Variants in XPO4 observed in about 807,000 individuals in gnomAD.
The protein encoded by XPO4 is exportin-4.
XPO4 carries 39 observed loss-of-function variants against 143.0 expected under a neutral mutation model. The observed-to-expected ratio is 0.27, with a 90% CI of 0.21 to 0.36. The LOEUF (loss-of-function observed/expected upper bound fraction) is 0.36, where lower values mean the gene tolerates loss of function less well. Ranked by LOEUF, XPO4 falls within the 10% of genes least tolerant of loss-of-function variation. The pLI, the probability that XPO4 is intolerant of heterozygous loss-of-function variation, is 1.00. For synonymous variants in XPO4, 439 were observed against 474.0 expected, an observed-to-expected ratio of 0.93 and a Z score of 0.96; for missense variants, 907 against 1,348.0, an observed-to-expected ratio of 0.67 and a Z score of 5.12.
intron 6 of XPO4, among the ~76,000 whole-genome samples, chr13:20,831,585 A>T (rs1595107930): frequency 6.6e-6 from 1 of 152,264 alleles, no homozygotes; most frequent in African/African-American, 2.4e-5. Context: ...ATATTTTTCT[A>T]AAATAAATAC....
intron 1 of XPO4, among the ~76,000 whole-genome samples, chr13:20,883,480 T>G (rs1455692458): frequency 2.6e-5 from 4 of 152,220 alleles, no homozygotes; most frequent in Non-Finnish European, 4.4e-5. Context: ...CATAACAGAC[T>G]AAACTGTATT....
chr13:20,833,755 G>C (rs769731465), intron 6 of XPO4, among the ~76,000 whole-genome samples: 5 of 152,074 alleles, frequency 3.3e-5, no homozygotes, highest in African/African-American at 4.8e-5. Flanking sequence ...ACCTGGTCTA[G>C]GCTGAAGTAC....
chr13:20,796,512 A>G (rs971488316), intron 17 of XPO4, among the ~76,000 whole-genome samples: 2 of 152,100 alleles, frequency 1.3e-5, no homozygotes, highest in African/African-American at 4.8e-5. Context: ...ACATATACCT[A>G]TGTAACAAAT....
intron 1 of XPO4, among the ~76,000 whole-genome samples, chr13:20,871,287 T>C (rs1364616369): frequency 6.6e-6 from 1 of 152,190 alleles, no homozygotes; most frequent in African/African-American, 2.4e-5. Context: ...CCCAAAGTGC[T>C]GGGATCACAG....
intron 4 of XPO4, chr13:20,853,198 T>C (rs972119622): frequency 4.0e-6 from 1 of 251,444 alleles, no homozygotes; most frequent in Admixed American, 6.5e-5. Flanking sequence ...CCAGGAGTGG[T>C]GGCTTGTGCC....
At chr13:20,873,756 T>C (rs2060325414) in intron 1 of XPO4, among the ~76,000 whole-genome samples, 1 of 152,138 alleles carries the variant, frequency 6.6e-6, no homozygotes, top group Non-Finnish European at 1.5e-5. Context: ...TCAGCTCGTC[T>C]AGTAGCTGGG....
intron 18 of XPO4, among the ~76,000 whole-genome samples, chr13:20,792,418 T>C (rs35584557): frequency 0.32 from 49,041 of 151,732 alleles, 9,908 homozygotes; most frequent in East Asian, 0.8. Context: ...TAGTGAAACA[T>C]AGTATCTGCT....
chr13:20,807,917 GT>G (rs2059528372), intron 12 of XPO4, among the ~76,000 whole-genome samples: 1 of 152,080 alleles, frequency 6.6e-6, no homozygotes. Context: ...ATTCTGTAAA[GT>G]TAATAGAAAT....
At chr13:20,888,098 C>T (rs573603722) in intron 1 of XPO4, among the ~76,000 whole-genome samples, 9 of 142,582 alleles carry the variant, frequency 6.3e-5, no homozygotes, top group Admixed American at 2.2e-4. Flanking sequence ...TGGCTTGAAC[C>T]TGGGAGGCAG....
At chr13:20,819,369 G>T (rs781629695) in intron 9 of XPO4, among the ~76,000 whole-genome samples, 1 of 152,046 alleles carries the variant, frequency 6.6e-6, no homozygotes, top group Non-Finnish European at 1.5e-5. Context: ...TTACTTAAAA[G>T]ATCATGTCTT....
intron 1 of XPO4, among the ~76,000 whole-genome samples, chr13:20,884,783 G>A (rs1232333884): frequency 6.6e-6 from 1 of 152,144 alleles, no homozygotes; most frequent in Non-Finnish European, 1.5e-5. Context: ...CCAAACGTTT[G>A]AAGCTGCAGT....
intron 1 of XPO4, among the ~76,000 whole-genome samples, chr13:20,892,049 G>A (rs1032010643): frequency 4.2e-5 from 6 of 141,462 alleles, no homozygotes; most frequent in Middle Eastern, 3.6e-3. Flanking sequence ...TTTTTTTTTC[G>A]AGATGGAGTT....
At chr13:20,844,226 G>A (rs1277728882) in intron 4 of XPO4, among the ~76,000 whole-genome samples, 3 of 152,130 alleles carry the variant, frequency 2.0e-5, no homozygotes, top group East Asian at 1.9e-4. Context: ...TTAATTCGCA[G>A]AACAACCTAT....
chr13:20,797,936 G>A (rs147960868), intron 16 of XPO4, among the ~76,000 whole-genome samples: 266 of 152,252 alleles, frequency 1.7e-3, no homozygotes, highest in African/African-American at 5.7e-3. Flanking sequence ...GATCACTTGA[G>A]GTCAGGAGAC....
At chr13:20,791,743 AAAGT>A (rs1407214332) in intron 18 of XPO4, among the ~76,000 whole-genome samples, 2 of 152,240 alleles carry the variant, frequency 1.3e-5, no homozygotes, top group African/African-American at 4.8e-5. Context: ...ATGGTGTCCA[AAAGT>A]AAGCATGATT....
intron 18 of XPO4, among the ~76,000 whole-genome samples, chr13:20,793,959 C>T (rs923428811): frequency 6.6e-6 from 1 of 152,126 alleles, no homozygotes; most frequent in Non-Finnish European, 1.5e-5. Context: ...AGCAGAGAGG[C>T]AGTTCTGATT....
In XPO4 at chr13:20,780,009, A is replaced by T. The variant is rs535895060; in HGVS notation, c.*3713T>A. ...GTCAGAGAATAACCACTTATATTTT[A>T]AAAAGATTAAAACATTATTATATCC... On this transcript the variant is annotated 3_prime_UTR_variant, in exon 23 of 23. Coordinates refer to ENST00000255305, the MANE Select transcript of XPO4 (RefSeq NM_022459.5). The T allele has an allele frequency of 5.5e-4, 84 of 152,324 alleles. No individual in the cohort carries two copies. The highest frequency in any genetic ancestry group is 1.9e-3 in the African/African-American group (80 of 41,564). The allele number at this position is 152,324 out of a possible 1,614,324, so 9.4% of individuals were successfully genotyped here. A position where few individuals can be genotyped will look rare whatever the true frequency, so the allele number is the denominator to read the frequency against.
chr13:20,870,746 G>C (rs2060289253), intron 1 of XPO4, among the ~76,000 whole-genome samples: 1 of 149,250 alleles, frequency 6.7e-6, no homozygotes, highest in Admixed American at 6.6e-5. Context: ...AAAAAAAACT[G>C]AACAGCAAAC....
At chr13:20,866,942 A>G (rs569126002) in intron 2 of XPO4, among the ~76,000 whole-genome samples, 2 of 152,340 alleles carry the variant, frequency 1.3e-5, no homozygotes, top group African/African-American at 4.8e-5. Flanking sequence ...ACACTGATGG[A>G]ATCCTAGTCA....
Sources: allele counts gnomAD v4.1 joint callset (sites outside exome capture counted in the v4.1 genomes callset), GRCh38; gene constraint gnomAD v4.1.1; transcripts MANE v1.5; gene names NCBI Gene and HGNC (gene_info 2026-07-23, HGNC 2026-07-21).